The following MINDY3 variants were observed in gnomAD, a reference collection of about 807,000 sequenced individuals.
MINDY3 encodes MINDY lysine 48 deubiquitinase 3.
A neutral mutation model predicts 69.2 loss-of-function variants in MINDY3; 38 were observed. That is an observed-to-expected ratio of 0.55 (90% CI 0.42 to 0.72). The LOEUF (loss-of-function observed/expected upper bound fraction) is 0.72. Ranked by LOEUF, MINDY3 falls within the 30% of genes least tolerant of loss-of-function variation. The pLI is 0.00. For synonymous variants in MINDY3, 192 were observed against 180.1 expected (o/e 1.07, Z -0.53); for missense variants, 522 against 519.0 (o/e 1.01, Z -0.06).
At chr10:15,847,776 A>ACAG in intron 2 of MINDY3, 88 bp downstream of exon 2, 1 of 825,046 alleles carries the variant, frequency 1.2e-6, no homozygotes. Context: ...TCTCATAATT[A>ACAG]CTATATGGAG....
chr10:15,854,291 C>T (rs1834533535), intron 1 of MINDY3, among the ~76,000 whole-genome samples: 1 of 152,032 alleles, frequency 6.6e-6, no homozygotes, highest in East Asian at 1.9e-4. Flanking sequence ...CTTCTCATGC[C>T]TTTTCCAATT....
chr10:15,800,081 G>GGAAATTTTTCTTGGAA (rs1350539000), intron 10 of MINDY3, among the ~76,000 whole-genome samples: 5 of 151,936 alleles, frequency 3.3e-5, no homozygotes, highest in Non-Finnish European at 5.9e-5. Flanking sequence ...TAAATATATT[G>GGAAATTTTTCTTGGAA]GAAATTTTTC....
intron 10 of MINDY3, among the ~76,000 whole-genome samples, chr10:15,805,077 G>A (rs1838538405): frequency 6.6e-6 from 1 of 152,128 alleles, no homozygotes; most frequent in Non-Finnish European, 1.5e-5. Context: ...TCCAACAGAT[G>A]TCATCTACTC....
intron 1 of MINDY3, among the ~76,000 whole-genome samples, chr10:15,850,223 G>C (rs1023284418): frequency 6.6e-6 from 1 of 152,144 alleles, no homozygotes; most frequent in Non-Finnish European, 1.5e-5. Flanking sequence ...GAGCATGTAT[G>C]TCGCCTCAGG....
chr10:15,782,052 A>G, intron 14 of MINDY3, 103 bp downstream of exon 14: 1 of 839,254 alleles, frequency 1.2e-6, no homozygotes, highest in East Asian at 2.6e-5. Context: ...GACTCCTGGA[A>G]TAATCTTAGG....
rs544348228 is a variant in MINDY3, at chr10:15,852,891, T to C, written c.95-4948A>G. On this transcript the variant is annotated intron_variant, in intron 1 of 14. Coordinates refer to ENST00000277632, the MANE Select transcript of MINDY3 (RefSeq NM_024948.4). ...CTGTACTAAACATGTACAGACTTTC[T>C]TTTTCATATCATTCCCTAAACAATA... is the stretch of plus-strand genomic sequence containing the variant. 2.2e-3 allele frequency among the ~76,000 whole-genome samples: 334 copies of C among 152,318 alleles called. 3 individuals are homozygous for C. The highest frequency in any genetic ancestry group is 7.7e-3 in the African/African-American group (319 of 41,572).
chr10:15,805,735 G>A lies in MINDY3; in HGVS notation c.883-9563C>T, dbSNP rs751866828. Among the ~76,000 whole-genome samples, 156 of 152,104 alleles carry A rather than the reference G, an allele frequency of 1.0e-3. 1 individual carries two copies. Among genetic ancestry groups the A allele is most frequent in the Non-Finnish European group, 6.8e-4 (46 of 68,020 alleles). Reference sequence around the variant, plus strand: ...GCAGAAACTTTAAGTGCCACTATCTGGTTTGGCCAGAAGTCTTGTTCTTTT... The same window carrying A: ...GCAGAAACTTTAAGTGCCACTATCTAGTTTGGCCAGAAGTCTTGTTCTTTT... On this transcript the variant is annotated intron_variant, in intron 10 of 14. Coordinates refer to ENST00000277632, the MANE Select transcript of MINDY3 (RefSeq NM_024948.4).
intron 11 of MINDY3, among the ~76,000 whole-genome samples, chr10:15,795,053 C>A (rs1445938622): frequency 6.6e-6 from 1 of 152,012 alleles, no homozygotes; most frequent in African/African-American, 2.4e-5. Context: ...AAACACAACA[C>A]AACACATAAC....
At chr10:15,828,968 T>C (rs139775155) in intron 8 of MINDY3, among the ~76,000 whole-genome samples, 445 of 152,324 alleles carry the variant, frequency 2.9e-3, no homozygotes, top group Middle Eastern at 0.01. Flanking sequence ...TATGGAGTAA[T>C]ACTTGCCTTG....
In MINDY3 at chr10:15,860,223, A is replaced by G; in HGVS notation, c.77T>C (p.Phe26Ser). Residue 26 changes from phenylalanine (F) to serine (S), a missense_variant, in exon 1 of 15, where the codon TTC (phenylalanine) becomes TCC (serine). Coordinates refer to ENST00000277632, the MANE Select transcript of MINDY3 (RefSeq NM_024948.4). ...KSSPGLSDTI[F>S]CRWTQGFVFS... Reference sequence around the variant, plus strand: ...CAGGGTACCTTGCGTCCAGCGGCAGAAAATGGTGTCCGAGAGACCGGGGCT... The same window carrying G: ...CAGGGTACCTTGCGTCCAGCGGCAGGAAATGGTGTCCGAGAGACCGGGGCT... 1 of 1,609,496 alleles carries G rather than the reference A, an allele frequency of 6.2e-7. No individual in the cohort carries two copies. Among genetic ancestry groups the G allele is most frequent in the Non-Finnish European group, 8.5e-7 (1 of 1,177,980 alleles).
intron 10 of MINDY3, among the ~76,000 whole-genome samples, chr10:15,814,941 C>G (rs1476647637): frequency 2.0e-5 from 3 of 152,128 alleles, no homozygotes; most frequent in Admixed American, 6.5e-5. Flanking sequence ...TCTGTGAAAT[C>G]TCTCCTACTG....
chr10:15,785,046 T>C (rs1035068959), intron 13 of MINDY3, among the ~76,000 whole-genome samples: 3 of 152,134 alleles, frequency 2.0e-5, no homozygotes, highest in African/African-American at 7.2e-5. Flanking sequence ...CACCCACCCT[T>C]AAAGTCTCTG....
intron 14 of MINDY3, among the ~76,000 whole-genome samples, chr10:15,779,755 G>C (rs1194684410): frequency 6.6e-6 from 1 of 152,104 alleles, no homozygotes; most frequent in African/African-American, 2.4e-5. Context: ...AAGGATGTCA[G>C]GACAGAAAGA....
chr10:15,815,555 A>T (rs1420940001), intron 10 of MINDY3, among the ~76,000 whole-genome samples: 1 of 152,224 alleles, frequency 6.6e-6, no homozygotes, highest in Non-Finnish European at 1.5e-5. Context: ...GCACATCACA[A>T]TGAAGAAACC....
chr10:15,785,662 C>T (rs1242594771), intron 13 of MINDY3, among the ~76,000 whole-genome samples: 1 of 152,154 alleles, frequency 6.6e-6, no homozygotes, highest in Admixed American at 6.6e-5. Flanking sequence ...CAGTAGTCTA[C>T]ATTGTCTACA....
At chr10:15,847,789 C>T (rs149459406) in intron 2 of MINDY3, 75 bp downstream of exon 2, 624 of 998,724 alleles carry the variant, frequency 6.2e-4, no homozygotes, top group South Asian at 8.0e-4. Context: ...ATATGGAGTA[C>T]AGACATTAGA....
At chr10:15,824,742 C>G (rs145250560) in intron 8 of MINDY3, among the ~76,000 whole-genome samples, 165 of 152,314 alleles carry the variant, frequency 1.1e-3, no homozygotes, top group Non-Finnish European at 2.0e-3. Context: ...ACTACATCAT[C>G]TATTTCCCTG....
At chr10:15,817,163 G>C in intron 9 of MINDY3, 1 of 378,016 alleles carries the variant, frequency 2.6e-6, no homozygotes, top group Non-Finnish European at 4.7e-6. Flanking sequence ...TAACACAGCT[G>C]GAGATAACTA....
rs1235473317 is a variant in MINDY3 at position 15,843,234 on chromosome 10, C to T, written c.213G>A (p.Lys71=). 1.2e-6 allele frequency: 2 copies of T among 1,613,026 alleles called. No homozygotes were observed. The highest frequency in any genetic ancestry group is 1.7e-6 in the Non-Finnish European group (2 of 1,179,126). Residue 71 remains lysine (K), a synonymous_variant, in exon 3 of 15, where the codon AAG becomes AAA. Transcript: ENST00000277632. ...TACCTGAACAATCCCGCCAAGAAGACTTCTCCGAAGAAAACAGGAGCTTCT... is the reference window on the plus strand; with the variant it reads ...TACCTGAACAATCCCGCCAAGAAGATTTCTCCGAAGAAAACAGGAGCTTCT... ...LLKKLLFSSE[K]SSWRDCSEEE...
Sources: gnomAD v4.1 joint callset for allele counts (sites outside exome capture counted in the v4.1 genomes callset) on GRCh38, gnomAD v4.1.1 for gene constraint, MANE v1.5 for transcripts, NCBI Gene and HGNC (gene_info 2026-07-23, HGNC 2026-07-21) for gene names.